Variants in CFAP47 observed in about 807,000 individuals in gnomAD.
CFAP47 encodes cilia- and flagella-associated protein 47.
In CFAP47, 29 loss-of-function variants were observed where a neutral mutation model predicts 148.1. That is an observed-to-expected ratio of 0.20 (90% CI 0.15 to 0.27). CFAP47 has a LOEUF of 0.27. Ranked by LOEUF, CFAP47 falls within the 10% of genes least tolerant of loss-of-function variation. CFAP47 has a pLI of 1.00. For synonymous variants in CFAP47, 664 were observed against 577.3 expected, an observed-to-expected ratio of 1.15 and a Z score of -2.15; for missense variants, 1,872 against 1,697.5, an observed-to-expected ratio of 1.10 and a Z score of -1.81.
intron 51 of CFAP47, among the ~76,000 whole-genome samples, chrX:36,288,704 C>T (rs1272533070): frequency 2.7e-5 from 3 of 111,202 alleles, no homozygotes; most frequent in African/African-American, 9.8e-5. Context: ...ACCGTTAATC[C>T]TCTTGGTGTC....
At chrX:36,124,964 G>C (rs764092727) in intron 33 of CFAP47, among the ~76,000 whole-genome samples, 3 of 111,352 alleles carry the variant, frequency 2.7e-5, no homozygotes, top group Non-Finnish European at 1.9e-5. Flanking sequence ...TTAGTATAAT[G>C]AGAGTGACAT....
chrX:36,173,929 G>T (rs1939626423), intron 39 of CFAP47, among the ~76,000 whole-genome samples: 1 of 111,295 alleles, frequency 9.0e-6, no homozygotes, highest in African/African-American at 3.3e-5. Flanking sequence ...TAATGTGTGG[G>T]AGTCTAATTC....
intron 33 of CFAP47, among the ~76,000 whole-genome samples, chrX:36,135,606 G>A (rs1939030741): frequency 8.9e-6 from 1 of 112,113 alleles, no homozygotes; most frequent in Non-Finnish European, 1.9e-5. Context: ...TAAAGGTGAA[G>A]TTATTGAGAT....
At chrX:36,151,132 A>G (rs1321169776) in intron 37 of CFAP47, among the ~76,000 whole-genome samples, 1 of 112,180 alleles carries the variant, frequency 8.9e-6, no homozygotes, top group Admixed American at 9.5e-5. Flanking sequence ...AATAACCACA[A>G]TAAACCTCTG....
intron 33 of CFAP47, among the ~76,000 whole-genome samples, chrX:36,120,863 T>G (rs558709978): frequency 6.0e-4 from 67 of 111,320 alleles, no homozygotes; most frequent in Middle Eastern, 4.7e-3. Flanking sequence ...GTTCTGTAAC[T>G]GTCTATTAGG....
intron 8 of CFAP47, among the ~76,000 whole-genome samples, chrX:35,965,120 C>A (rs778390809): frequency 9.0e-6 from 1 of 110,815 alleles, no homozygotes; most frequent in Admixed American, 9.7e-5. Flanking sequence ...TTTATTGTTG[C>A]TTTTTTGTTG....
chrX:36,006,078 C>CTTAAA (rs2146696859), intron 21 of CFAP47, among the ~76,000 whole-genome samples: 1 of 110,240 alleles, frequency 9.1e-6, no homozygotes, highest in South Asian at 3.8e-4. Flanking sequence ...AAACATTTTA[C>CTTAAA]TTAAGGATCA....
rs763529302 is a variant in CFAP47, at chrX:36,001,223, T to C, written c.3323-390T>C. Among the ~76,000 whole-genome samples the C allele has an allele frequency of 9.3e-4, 104 of 111,763 alleles. 2 individuals are homozygous for C. The highest frequency in any genetic ancestry group is 4.5e-3 in the Admixed American group (47 of 10,506). ...GTAAGTATATCAGTGAGGTAATGGA[T>C]ATGCATTTGTATTACTTACGGACTC... On this transcript the variant is annotated intron_variant, in intron 20 of 63. Coordinates refer to ENST00000378653, the MANE Select transcript of CFAP47 (RefSeq NM_001304548.2).
chrX:36,140,081 A>G (rs947318923), intron 35 of CFAP47, among the ~76,000 whole-genome samples: 17 of 111,684 alleles, frequency 1.5e-4, no homozygotes, highest in African/African-American at 3.3e-5. Flanking sequence ...CATGAAAGAC[A>G]CTGGATACAT....
Position 36,176,899 on chromosome X carries a change from G to A in CFAP47, c.6027-2446G>A, listed in dbSNP as rs60441281. The stretch of plus-strand genomic sequence containing the variant: ...AGCCTGGGCGACAGAGTGAGACTCC[G>A]TCTAAAAAAATAAAAATAAAAAAAT... On this transcript the variant is annotated intron_variant, in intron 39 of 63. Transcript: ENST00000378653. Among the ~76,000 whole-genome samples the A allele has an allele frequency of 9.6e-3, 1,073 of 111,641 alleles. 12 individuals are homozygous for A. Among genetic ancestry groups the A allele is most frequent in the African/African-American group, 0.031 (965 of 30,768 alleles).
At chrX:36,248,084 A>G (rs7061882) in intron 48 of CFAP47, among the ~76,000 whole-genome samples, 4,239 of 108,428 alleles carry the variant, frequency 0.039, 237 homozygotes, top group African/African-American at 0.13. Context: ...TCTATCAGGA[A>G]TATATACCAA....
chrX:35,921,762 T>C (rs998542530), intron 1 of CFAP47, among the ~76,000 whole-genome samples: 1 of 109,550 alleles, frequency 9.1e-6, no homozygotes, highest in Non-Finnish European at 1.9e-5. Context: ...ATTAGATAAA[T>C]AGTGAAAAGT....
intron 39 of CFAP47, among the ~76,000 whole-genome samples, chrX:36,175,443 G>T (rs1187074541): frequency 9.0e-6 from 1 of 111,454 alleles, no homozygotes; most frequent in Admixed American, 9.5e-5. Flanking sequence ...TCTACTTTTG[G>T]TCTTTGATGA....
intron 20 of CFAP47, among the ~76,000 whole-genome samples, chrX:36,001,267 A>G (rs1465360664): frequency 1.8e-5 from 2 of 111,451 alleles, no homozygotes; most frequent in African/African-American, 6.5e-5. Context: ...ATCAAAGGAG[A>G]TCTGACTCTT....
chrX:35,953,394 G>A (rs1569213055), intron 6 of CFAP47, among the ~76,000 whole-genome samples, 198 bp from the exon 7 acceptor site: 1 of 111,765 alleles, frequency 8.9e-6, no homozygotes, highest in African/African-American at 3.2e-5. Flanking sequence ...ATTTTTCTCA[G>A]CTTTATACTC....
At chrX:35,996,968 G>GT (rs913004788) in intron 18 of CFAP47, among the ~76,000 whole-genome samples, 1 of 111,569 alleles carries the variant, frequency 9.0e-6, no homozygotes, top group African/African-American at 3.3e-5. Context: ...TTCTCCTGTT[G>GT]TTTTTTAAAA....
At chrX:35,951,400 TA>T (rs775536958) in intron 5 of CFAP47, 41 bp downstream of exon 5, 138 of 842,979 alleles carry the variant, frequency 1.6e-4, no homozygotes, top group Non-Finnish European at 1.6e-4. Context: ...TATTATGACT[TA>T]AAAGAGATTG....
At chrX:36,150,658 C>T (rs1004633857) in intron 37 of CFAP47, among the ~76,000 whole-genome samples, 2 of 110,929 alleles carry the variant, frequency 1.8e-5, no homozygotes, top group African/African-American at 3.3e-5. Context: ...CCTAAAATAT[C>T]CTGTAACCCA....
At chrX:36,161,766 A>G (rs1255807708) in intron 39 of CFAP47, among the ~76,000 whole-genome samples, 1 of 112,053 alleles carries the variant, frequency 8.9e-6, no homozygotes, top group East Asian at 2.8e-4. Context: ...TCTTTTAATC[A>G]CTGTATGTAA....
Sources: allele counts gnomAD v4.1 joint callset (sites outside exome capture counted in the v4.1 genomes callset), GRCh38; gene constraint gnomAD v4.1.1; transcripts MANE v1.5; gene names NCBI Gene and HGNC (gene_info 2026-07-23, HGNC 2026-07-21).